Variants in SPIRE1 observed in about 807,000 individuals in gnomAD.
The protein encoded by SPIRE1 is spire type actin nucleation factor 1, also known as protein spire homolog 1.
In SPIRE1, 40 loss-of-function variants were observed where a neutral mutation model predicts 94.1. The observed-to-expected ratio is 0.43, with a 90% confidence interval of 0.33 to 0.55. The LOEUF (loss-of-function observed/expected upper bound fraction) is 0.55. Among genes scored for constraint, SPIRE1 ranks in the 20% least tolerant of loss-of-function variants. The pLI, the probability that SPIRE1 is intolerant of heterozygous loss-of-function variation, is 0.06. For missense variants in SPIRE1, 838 were observed against 975.2 expected, an observed-to-expected ratio of 0.86 and a Z score of 1.87; for synonymous variants, 376 against 371.7, an observed-to-expected ratio of 1.01 and a Z score of -0.13.
intron 4 of SPIRE1, among the ~76,000 whole-genome samples, chr18:12,529,476 AC>A (rs2034624827): frequency 6.6e-6 from 1 of 152,164 alleles, no homozygotes; most frequent in Non-Finnish European, 1.5e-5. Context: ...AAAAAATCAT[AC>A]TTGAAAGGGT....
At chr18:12,654,583 C>T (rs1412415168) in intron 1 of SPIRE1, among the ~76,000 whole-genome samples, 1 of 149,676 alleles carries the variant, frequency 6.7e-6, no homozygotes, top group Non-Finnish European at 1.5e-5. Context: ...GGAGGCGGAG[C>T]TTGCAAGCTT....
chr18:12,646,656 G>A (rs2038234229), intron 1 of SPIRE1, among the ~76,000 whole-genome samples: 1 of 152,064 alleles, frequency 6.6e-6, no homozygotes, highest in South Asian at 2.1e-4. Context: ...AGATATTAAA[G>A]GAGTATATTA....
At chr18:12,543,666 T>C (rs2035073983) in intron 3 of SPIRE1, among the ~76,000 whole-genome samples, 1 of 152,170 alleles carries the variant, frequency 6.6e-6, no homozygotes, top group South Asian at 2.1e-4. Flanking sequence ...TTACTTGAAA[T>C]AAAAGACTAT....
chr18:12,589,400 A>G (rs1222851451), intron 2 of SPIRE1, among the ~76,000 whole-genome samples: 3 of 152,168 alleles, frequency 2.0e-5, no homozygotes, highest in African/African-American at 4.8e-5. Context: ...GGTACTAAGG[A>G]AGGAGGTCTG....
chr18:12,629,258 A>G (rs893987277), intron 2 of SPIRE1, among the ~76,000 whole-genome samples: 2 of 152,214 alleles, frequency 1.3e-5, no homozygotes, highest in Non-Finnish European at 2.9e-5. Flanking sequence ...CTGGAAAAAA[A>G]CCAATGTAAA....
Position 12,548,941 on chromosome 18 carries a change from A to G in SPIRE1, c.373-2037T>C, listed in dbSNP as rs1733661496. ...TCTATTATAAAAATGAATTTAAACAATGGATCTTCTAAGTTCCAAGGCAAT... is the reference window on the plus strand; with the variant it reads ...TCTATTATAAAAATGAATTTAAACAGTGGATCTTCTAAGTTCCAAGGCAAT... On this transcript the variant is annotated intron_variant, in intron 2 of 16. Transcript: ENST00000409402. 2.6e-5 allele frequency among the ~76,000 whole-genome samples: 4 copies of G among 152,210 alleles called. No homozygotes were observed. In the South Asian group the frequency reaches 8.3e-4, roughly 31 times the overall value.
chr18:12,641,864 G>C (rs1365333284), intron 1 of SPIRE1, among the ~76,000 whole-genome samples: 1 of 126,388 alleles, frequency 7.9e-6, no homozygotes, highest in Non-Finnish European at 1.6e-5. Context: ...ATGGAGTCTT[G>C]CTCTGTCGCC....
At chr18:12,641,994 G>A (rs1458742294) in intron 1 of SPIRE1, among the ~76,000 whole-genome samples, 1 of 151,680 alleles carries the variant, frequency 6.6e-6, no homozygotes, top group African/African-American at 2.4e-5. Context: ...ACCACGCCCA[G>A]CTAATTTTTG....
At chr18:12,634,064 C>T (rs570374031) in intron 2 of SPIRE1, among the ~76,000 whole-genome samples, 27 of 151,942 alleles carry the variant, frequency 1.8e-4, no homozygotes, top group South Asian at 1.2e-3. Flanking sequence ...CTGGCTAACA[C>T]GGTGAAACCC....
intron 2 of SPIRE1, among the ~76,000 whole-genome samples, chr18:12,577,736 T>G (rs1248806479): frequency 6.6e-6 from 1 of 152,202 alleles, no homozygotes; most frequent in African/African-American, 2.4e-5. Context: ...AACTTTGCTC[T>G]TCAAAAGACA....
At chr18:12,515,056 T>C (rs988668885) in intron 4 of SPIRE1, among the ~76,000 whole-genome samples, 4 of 152,144 alleles carry the variant, frequency 2.6e-5, no homozygotes, top group African/African-American at 9.7e-5. Context: ...ACATGCCCAC[T>C]TGGAAACACG....
intron 2 of SPIRE1, among the ~76,000 whole-genome samples, chr18:12,615,345 A>AAAAAAAAAAAAATATATAT: frequency 5.8e-5 from 1 of 17,244 alleles, no homozygotes; most frequent in African/African-American, 1.2e-4. Flanking sequence ...AAAAAAAAAA[A>AAAAAAAAAAAAATATATAT]ATATATATAT....
chr18:12,518,036 C>T (rs747954698), intron 4 of SPIRE1, among the ~76,000 whole-genome samples: 2 of 151,936 alleles, frequency 1.3e-5, no homozygotes, highest in Non-Finnish European at 2.9e-5. Context: ...TTGTTGAGAC[C>T]GAGTCTCACT....
rs560646232 is a variant in SPIRE1, at chr18:12,525,785, C to T, written c.729+9691G>A. Reference sequence around the variant, plus strand: ...TCTTTAAAACAAAGGAGTTCTATTTCTTGAAACCTGAAGAACTAAAGACTA... The same window carrying T: ...TCTTTAAAACAAAGGAGTTCTATTTTTTGAAACCTGAAGAACTAAAGACTA... On this transcript the variant is annotated intron_variant, in intron 4 of 16. Transcript: ENST00000409402. 2.6e-5 allele frequency among the ~76,000 whole-genome samples: 4 copies of T among 152,186 alleles called. No individual in the cohort carries two copies. In the East Asian group the frequency reaches 7.7e-4, roughly 29 times the overall value.
chr18:12,651,918 G>T (rs2038389906), intron 1 of SPIRE1, among the ~76,000 whole-genome samples: 1 of 152,024 alleles, frequency 6.6e-6, no homozygotes, highest in Non-Finnish European at 1.5e-5. Flanking sequence ...GGCATTCATT[G>T]TTCCTTTCAG....
intron 2 of SPIRE1, among the ~76,000 whole-genome samples, chr18:12,617,238 C>T (rs951668860): frequency 4.7e-5 from 7 of 148,578 alleles, no homozygotes; most frequent in African/African-American, 7.5e-5. Context: ...CAGATCATTG[C>T]AACCACCACT....
chr18:12,633,093 T>C (rs1345861559), intron 2 of SPIRE1, among the ~76,000 whole-genome samples: 1 of 152,090 alleles, frequency 6.6e-6, no homozygotes, highest in African/African-American at 2.4e-5. Flanking sequence ...AAAGACAAAG[T>C]TCTGGAAGAA....
intron 1 of SPIRE1, among the ~76,000 whole-genome samples, chr18:12,638,420 G>C (rs994663651): frequency 6.6e-6 from 1 of 152,188 alleles, no homozygotes; most frequent in African/African-American, 2.4e-5. Flanking sequence ...CTCCAGAACA[G>C]GTGACAGAAC....
At chr18:12,636,947 G>A (rs893152584) in intron 1 of SPIRE1, among the ~76,000 whole-genome samples, 1 of 152,196 alleles carries the variant, frequency 6.6e-6, no homozygotes, top group Non-Finnish European at 1.5e-5. Flanking sequence ...GCTCAAGGAA[G>A]GGTACAGACT....
Sources: allele counts gnomAD v4.1 joint callset (sites outside exome capture counted in the v4.1 genomes callset), GRCh38; gene constraint gnomAD v4.1.1; transcripts MANE v1.5; gene names NCBI Gene and HGNC (gene_info 2026-07-23, HGNC 2026-07-21).